PIEZO2: variants seen among roughly 807,000 people sequenced by gnomAD.
The protein encoded by PIEZO2 is piezo-type mechanosensitive ion channel component 2.
Under a neutral mutation model 337.3 loss-of-function variants are expected in PIEZO2, and 172 were observed. The observed-to-expected ratio is 0.51, with a 90% CI of 0.45 to 0.58. The LOEUF is 0.58. PIEZO2 is among the 20% of genes least tolerant of loss of function. The pLI is 0.00. For missense variants in PIEZO2, 3,028 were observed against 3,391.3 expected, an observed-to-expected ratio of 0.89 and a Z score of 2.66; for synonymous variants, 1,251 against 1,228.5, an observed-to-expected ratio of 1.02 and a Z score of -0.38.
At chr18:10,930,637 T>C (rs568900920) in intron 3 of PIEZO2, among the ~76,000 whole-genome samples, 1 of 152,250 alleles carries the variant, frequency 6.6e-6, no homozygotes, top group Non-Finnish European at 1.5e-5. Flanking sequence ...GATTGAGACC[T>C]ATTTCAGATA....
chr18:10,761,136 T>G (rs1038757665), intron 23 of PIEZO2, 25 bp from the exon 24 acceptor site: 4 of 1,524,276 alleles, frequency 2.6e-6, no homozygotes, highest in Non-Finnish European at 3.5e-6. Flanking sequence ...AACACAAATG[T>G]GTCAGCCAGA....
In PIEZO2 at chr18:11,116,468, C is replaced by CTT. The variant is rs2039890487; in HGVS notation, c.64+32055_64+32056dup. On this transcript the variant is annotated intron_variant, in intron 1 of 55. Transcript: ENST00000674853. This position sits in a 1 kb window ranked among gnomAD's most constrained non-coding sequence, Gnocchi z 5.0. ...GTGGCTCACGCCTGTAAACCCAGCA[C>CTT]TTTGGGAGGCCGAGCTGGGCGGATC... Among the ~76,000 whole-genome samples the CTT allele has an allele frequency of 1.3e-5, 2 of 152,054 alleles. No homozygotes were observed. The highest frequency in any genetic ancestry group is 4.1e-4 in the South Asian group (2 of 4,820).
chr18:11,013,277 G>T (rs1397825974), intron 2 of PIEZO2, among the ~76,000 whole-genome samples: 1 of 152,142 alleles, frequency 6.6e-6, no homozygotes, highest in East Asian at 1.9e-4. Context: ...TGGCCTTGTG[G>T]AGAAGACTAG....
chr18:10,940,394 T>C lies in PIEZO2; in HGVS notation c.287-29166A>G, dbSNP rs893858589. Among the ~76,000 whole-genome samples the C allele has an allele frequency of 6.6e-6, 1 of 152,226 alleles. No homozygotes were observed. Among genetic ancestry groups the C allele is most frequent in the Admixed American group, 6.5e-5 (1 of 15,290 alleles). ...CTGATTTCACAGGATCAGTGCTACA[T>C]GGATGCCAACAACATAAGCGAATCT... is the stretch of plus-strand genomic sequence containing the variant. On this transcript the variant is annotated intron_variant, in intron 3 of 55. Coordinates refer to ENST00000674853, the MANE Select transcript of PIEZO2 (RefSeq NM_001378183.1). The surrounding 1 kb of genome is among the most constrained non-coding windows in gnomAD (Gnocchi z 5.3).
intron 3 of PIEZO2, among the ~76,000 whole-genome samples, chr18:10,913,787 C>T (rs1052600525): frequency 6.6e-6 from 1 of 152,116 alleles, no homozygotes; most frequent in Non-Finnish European, 1.5e-5. Context: ...CCAGGCACAA[C>T]AGCAGTGGCA....
At chr18:10,728,035 C>G (rs2036611979) in intron 36 of PIEZO2, 1 of 152,096 alleles carries the variant, frequency 6.6e-6, no homozygotes, top group Non-Finnish European at 1.5e-5. Flanking sequence ...ACAAACAACC[C>G]GACAGAACGA....
intron 36 of PIEZO2, chr18:10,725,274 C>A: frequency 1.9e-6 from 3 of 1,565,532 alleles, no homozygotes; most frequent in South Asian, 1.1e-5. Context: ...TCACCAAGTG[C>A]CAGATATGGT....
chr18:10,877,473 C>G lies in PIEZO2; in HGVS notation c.330-6058G>C, dbSNP rs1030148956. ...TGTACTTCAGTATCCCATAGATTTT[C>G]CATTCAGTGTTATTCTTACTCCAAA... On this transcript the variant is annotated intron_variant, in intron 4 of 55. Transcript: ENST00000674853. The surrounding 1 kb of genome is among the most constrained non-coding windows in gnomAD (Gnocchi z 5.3). Among the ~76,000 whole-genome samples, 1 of 152,170 alleles carries G rather than the reference C, an allele frequency of 6.6e-6. No individual in the cohort carries two copies. Among genetic ancestry groups the G allele is most frequent in the African/African-American group, 2.4e-5 (1 of 41,428 alleles).
At chr18:10,904,160 T>C (rs1299799300) in intron 4 of PIEZO2, among the ~76,000 whole-genome samples, 1 of 152,204 alleles carries the variant, frequency 6.6e-6, no homozygotes, top group Non-Finnish European at 1.5e-5. Flanking sequence ...TGTATAAACA[T>C]AAAATATAAA....
intron 36 of PIEZO2, among the ~76,000 whole-genome samples, chr18:10,720,395 G>C (rs796352883): frequency 2.2e-4 from 5 of 23,166 alleles, no homozygotes; most frequent in African/African-American, 5.7e-4. Flanking sequence ...GTGTGTGTGT[G>C]TGTGTGTGTA....
Position 11,100,398 on chromosome 18 carries a change from A to AAG in PIEZO2, c.65-34178_65-34177dup, listed in dbSNP as rs140398985. ...AAAAATATTCATGTATTAGAGTTAA[A>AAG]AGTCATTGACACTAAAGTGATGATG... On this transcript the variant is annotated intron_variant, in intron 1 of 55. Coordinates refer to ENST00000674853, the MANE Select transcript of PIEZO2 (RefSeq NM_001378183.1). Among the ~76,000 whole-genome samples, 1,182 of 152,344 alleles carry AAG rather than the reference A, an allele frequency of 7.8e-3. 19 individuals are homozygous for AAG. The highest frequency in any genetic ancestry group is 0.026 in the African/African-American group (1,089 of 41,578).
intron 3 of PIEZO2, among the ~76,000 whole-genome samples, chr18:10,956,151 T>G (rs1033281299): frequency 2.0e-5 from 3 of 152,190 alleles, no homozygotes; most frequent in African/African-American, 7.2e-5. Flanking sequence ...GTTTAATCCA[T>G]GATTTTCAAA....
intron 7 of PIEZO2, among the ~76,000 whole-genome samples, chr18:10,838,835 T>G (rs1339258612): frequency 6.6e-6 from 1 of 152,124 alleles, no homozygotes; most frequent in Non-Finnish European, 1.5e-5. Flanking sequence ...CACTCCTGGG[T>G]TACTTCCTAT....
chr18:10,896,584 G>A (rs191371095), intron 4 of PIEZO2, among the ~76,000 whole-genome samples: 36 of 152,278 alleles, frequency 2.4e-4, no homozygotes, highest in African/African-American at 7.5e-4. Flanking sequence ...ATGGCAAGCA[G>A]GTCAATAAAC....
rs573602697 is a variant in PIEZO2 at position 11,146,348 on chromosome 18, C to A, written c.64+2177G>T. Among the ~76,000 whole-genome samples the A allele has an allele frequency of 2.2e-4, 33 of 152,310 alleles. No individual in the cohort carries two copies. Among genetic ancestry groups the A allele is most frequent in the African/African-American group, 7.7e-4 (32 of 41,576 alleles). On this transcript the variant is annotated intron_variant, in intron 1 of 55. Transcript: ENST00000674853. The surrounding 1 kb of genome is among the most constrained non-coding windows in gnomAD (Gnocchi z 6.1). Reference sequence around the variant, plus strand: ...CAGCCTGCCCTGGGGCACAAGCCAGCCAGCAGGAGGTGAACAGTGTGCGGG... The same window carrying A: ...CAGCCTGCCCTGGGGCACAAGCCAGACAGCAGGAGGTGAACAGTGTGCGGG...
Position 10,691,216 on chromosome 18 carries a change from G to A in PIEZO2, c.7349+9C>T. 2.5e-6 allele frequency: 4 copies of A among 1,611,468 alleles called. No individual in the cohort carries two copies. The highest frequency in any genetic ancestry group is 3.4e-6 in the Non-Finnish European group (4 of 1,179,068). ...CCATAAGTGACTGTGACGTTGCAGA[G>A]CGTCCTACCCTTGGAATAAGAAGAG... On this transcript the variant is annotated intron_variant, in intron 48 of 55. Transcript: ENST00000674853.
In PIEZO2 at chr18:10,676,342, A is replaced by G. The variant is rs1020973149; in HGVS notation, c.8082-1054T>C. ...CAATGGGGCCAGGGCAGTCTGGAGG[A>G]CAAAACTGGGGCCATCACTGGTGGA... On this transcript the variant is annotated intron_variant, in intron 53 of 55. Transcript: ENST00000674853. The surrounding 1 kb of genome is among the most constrained non-coding windows in gnomAD (Gnocchi z 5.1). 6.6e-6 allele frequency among the ~76,000 whole-genome samples: 1 copy of G among 152,170 alleles called. No homozygotes were observed. Among genetic ancestry groups the G allele is most frequent in the Non-Finnish European group, 1.5e-5 (1 of 68,024 alleles).
At chr18:10,843,136 T>C (rs1364188550) in intron 7 of PIEZO2, among the ~76,000 whole-genome samples, 1 of 152,100 alleles carries the variant, frequency 6.6e-6, no homozygotes, top group Non-Finnish European at 1.5e-5. Flanking sequence ...TTATCTACAA[T>C]CAAACTGAAA....
chr18:10,898,734 A>G (rs1263022881), intron 4 of PIEZO2, among the ~76,000 whole-genome samples: 2 of 152,306 alleles, frequency 1.3e-5, no homozygotes, highest in African/African-American at 4.8e-5. Flanking sequence ...GGGTTAGCCT[A>G]TGCCTGAGTA....
Sources: gnomAD v4.1 joint callset for allele counts (sites outside exome capture counted in the v4.1 genomes callset) on GRCh38, gnomAD v4.1.1 for gene constraint, Gnocchi (gnomAD v3.1) non-coding constraint, MANE v1.5 for transcripts, NCBI Gene and HGNC (gene_info 2026-07-23, HGNC 2026-07-21) for gene names.